GPC5: variants seen among roughly 807,000 people sequenced by gnomAD.
GPC5 encodes glypican-5.
In GPC5, 47 loss-of-function variants were observed where a neutral mutation model predicts 53.9. The observed-to-expected ratio is 0.87, with a 90% CI of 0.69 to 1.11. GPC5 has a LOEUF of 1.11. GPC5 is among the 50% of genes most tolerant of loss of function. The probability of loss-of-function intolerance (pLI) is 0.00; values close to 1 mark genes in which losing one functional copy is unlikely to be tolerated. For missense variants in GPC5, 748 were observed against 713.1 expected, an observed-to-expected ratio of 1.05 and a Z score of -0.56; for synonymous variants, 286 against 263.3, an observed-to-expected ratio of 1.09 and a Z score of -0.84.
At chr13:92,593,603 A>G (rs567879077) in intron 7 of GPC5, among the ~76,000 whole-genome samples, 1 of 150,268 alleles carries the variant, frequency 6.7e-6, no homozygotes, top group African/African-American at 2.4e-5. Context: ...ATCAACAGAA[A>G]GTACGTTTAG....
intron 2 of GPC5, among the ~76,000 whole-genome samples, chr13:91,683,602 G>A (rs1448758905): frequency 6.6e-6 from 1 of 152,048 alleles, no homozygotes; most frequent in Admixed American, 6.6e-5. Flanking sequence ...TTAGGAACTC[G>A]CCATTTTATT....
At chr13:91,643,874 T>C (rs918379116) in intron 2 of GPC5, among the ~76,000 whole-genome samples, 11 of 152,198 alleles carry the variant, frequency 7.2e-5, no homozygotes, top group Non-Finnish European at 1.6e-4. Context: ...TAACTCATTT[T>C]GTTTTCAATG....
intron 6 of GPC5, among the ~76,000 whole-genome samples, chr13:91,972,295 C>CT (rs1431048023): frequency 6.6e-6 from 1 of 151,938 alleles, no homozygotes; most frequent in Non-Finnish European, 1.5e-5. Context: ...CAACCCCTGC[C>CT]TTTTTTTGTT....
rs1566516188 is a variant in GPC5 at position 91,571,923 on chromosome 13, GTATA to G, written c.326-121259_326-121256del. On this transcript the variant is annotated intron_variant, in intron 2 of 7. Coordinates refer to ENST00000377067, the MANE Select transcript of GPC5 (RefSeq NM_004466.6). The stretch of plus-strand genomic sequence containing the variant: ...CACATATTGTATATATACACATATT[GTATA>G]TATACACACATGTATATACATATAC... Among the ~76,000 whole-genome samples the G allele has an allele frequency of 1.6e-4, 17 of 109,658 alleles. 2 individuals are homozygous for G. Among genetic ancestry groups the G allele is most frequent in the African/African-American group, 4.9e-4 (13 of 26,498 alleles). The allele number at this position is 109,658 out of a possible 152,430, so 71.9% of individuals were successfully genotyped here. A position where few individuals can be genotyped will look rare whatever the true frequency, so the allele number is the denominator to read the frequency against.
chr13:91,553,284 T>TAGTTTAATTCAGCCACCATTACCTG (rs2030755057), intron 2 of GPC5, among the ~76,000 whole-genome samples: 2 of 97,298 alleles, frequency 2.1e-5, no homozygotes, highest in African/African-American at 4.7e-5. Context: ...TCTTTCTCAT[T>TAGTTTAATTCAGCCACCATTACCTG]TCTCAGAAGA....
At chr13:92,014,175 T>C (rs1449898990) in intron 6 of GPC5, among the ~76,000 whole-genome samples, 1 of 152,224 alleles carries the variant, frequency 6.6e-6, no homozygotes. Flanking sequence ...CTGACACTTA[T>C]GGAGTGCTCA....
intron 7 of GPC5, among the ~76,000 whole-genome samples, chr13:92,275,720 C>T (rs763911634): frequency 1.3e-5 from 2 of 151,968 alleles, no homozygotes; most frequent in Admixed American, 6.6e-5. Context: ...ATATATAGTA[C>T]CTAATATTAT....
intron 6 of GPC5, among the ~76,000 whole-genome samples, chr13:92,113,667 A>G (rs937825728): frequency 3.3e-5 from 5 of 152,168 alleles, no homozygotes; most frequent in African/African-American, 4.8e-5. Flanking sequence ...ACCATATACA[A>G]GAAATCATAA....
chr13:92,058,518 T>A (rs2041094530), intron 6 of GPC5, among the ~76,000 whole-genome samples: 1 of 152,204 alleles, frequency 6.6e-6, no homozygotes, highest in South Asian at 2.1e-4. Flanking sequence ...GTTGACTCAC[T>A]GTTATCACTC....
intron 6 of GPC5, among the ~76,000 whole-genome samples, chr13:92,089,545 T>A (rs1359629162): frequency 6.6e-6 from 1 of 152,204 alleles, no homozygotes; most frequent in Non-Finnish European, 1.5e-5. Context: ...AGCATTACAT[T>A]TTAAAAAGGC....
intron 5 of GPC5, among the ~76,000 whole-genome samples, chr13:91,855,691 T>C (rs544851936): frequency 6.6e-6 from 1 of 151,776 alleles, no homozygotes; most frequent in South Asian, 2.1e-4. Context: ...TTTCATGGTA[T>C]TTCAAAATGC....
chr13:92,281,911 G>A (rs9523588), intron 7 of GPC5, among the ~76,000 whole-genome samples: 13,013 of 152,204 alleles, frequency 0.085, 614 homozygotes, highest in Middle Eastern at 0.12. Context: ...GACTTTGACA[G>A]GTTGAGAGAA....
At chr13:92,155,591 A>G (rs865913593) in intron 7 of GPC5, among the ~76,000 whole-genome samples, 2 of 152,008 alleles carry the variant, frequency 1.3e-5, no homozygotes, top group Admixed American at 6.6e-5. Flanking sequence ...AATTTTCTTT[A>G]TCTTCAGCTT....
intron 3 of GPC5, among the ~76,000 whole-genome samples, chr13:91,709,153 A>G (rs1178056044): frequency 1.3e-5 from 2 of 152,210 alleles, no homozygotes; most frequent in Non-Finnish European, 2.9e-5. Context: ...CCAGCTGGGC[A>G]TGCAGCTACA....
At chr13:91,886,698 G>T (rs139421603) in intron 5 of GPC5, among the ~76,000 whole-genome samples, 26 of 152,312 alleles carry the variant, frequency 1.7e-4, no homozygotes, top group Non-Finnish European at 2.9e-4. Flanking sequence ...CAGGCTCCAT[G>T]CAAGTCTGAA....
chr13:92,197,529 G>A (rs1366184240), intron 7 of GPC5, among the ~76,000 whole-genome samples: 3 of 152,012 alleles, frequency 2.0e-5, no homozygotes, highest in Non-Finnish European at 2.9e-5. Flanking sequence ...ACAGGGTCTC[G>A]CTTTTTCTCC....
chr13:92,549,205 T>C (rs918662557), intron 7 of GPC5, among the ~76,000 whole-genome samples: 2 of 152,118 alleles, frequency 1.3e-5, no homozygotes, highest in Admixed American at 6.6e-5. Flanking sequence ...ATTATACTTG[T>C]TTCTGACTCA....
At chr13:91,661,693 G>A (rs1435859678) in intron 2 of GPC5, among the ~76,000 whole-genome samples, 4 of 152,188 alleles carry the variant, frequency 2.6e-5, no homozygotes, top group African/African-American at 2.4e-5. Context: ...AGGACATCTA[G>A]GGAAGAATAT....
Position 92,162,104 on chromosome 13 carries a change from T to A in GPC5, c.1561+17115T>A, listed in dbSNP as rs886215285. Reference sequence around the variant, plus strand: ...TCCATACCTTTATGTTATGAGTATATTCTATGGAATCCTGTTTTTTCCCTG... The same window carrying A: ...TCCATACCTTTATGTTATGAGTATAATCTATGGAATCCTGTTTTTTCCCTG... On this transcript the variant is annotated intron_variant, in intron 7 of 7. Coordinates refer to ENST00000377067, the MANE Select transcript of GPC5 (RefSeq NM_004466.6). 3.4e-5 allele frequency among the ~76,000 whole-genome samples: 5 copies of A among 146,046 alleles called. No homozygotes were observed. The East Asian group carries it at 9.9e-4, about 29-fold the overall frequency.
Sources: allele counts gnomAD v4.1 joint callset (sites outside exome capture counted in the v4.1 genomes callset), GRCh38; gene constraint gnomAD v4.1.1; transcripts MANE v1.5; gene names NCBI Gene and HGNC (gene_info 2026-07-23, HGNC 2026-07-21).